Variants in WWOX observed in about 807,000 individuals in gnomAD.
WWOX encodes WW domain containing oxidoreductase, also known as WW domain-containing oxidoreductase.
A neutral mutation model predicts 46.2 loss-of-function variants in WWOX; 69 were observed. The ratio of observed to expected loss-of-function variants is 1.49; its 90% CI spans 1.23 to 1.82. WWOX has a LOEUF of 1.82. Among genes scored for constraint, WWOX ranks in the 40% most tolerant of loss-of-function variants. The pLI is 0.00. For synonymous variants in WWOX, 359 were observed against 202.6 expected (o/e 1.77, Z -6.56); for missense variants, 919 against 542.6 (o/e 1.69, Z -6.89).
intron 8 of WWOX, among the ~76,000 whole-genome samples, chr16:78,546,861 T>G (rs1334361642): frequency 6.6e-6 from 1 of 152,136 alleles, no homozygotes; most frequent in Non-Finnish European, 1.5e-5. Context: ...GCCCGGTGGC[T>G]CATGCCCGTA....
chr16:78,797,866 T>C (rs962072387), intron 8 of WWOX, among the ~76,000 whole-genome samples: 1 of 152,214 alleles, frequency 6.6e-6, no homozygotes, highest in Non-Finnish European at 1.5e-5. Flanking sequence ...CGCGTGCCTG[T>C]AGTCCTAGCT....
chr16:78,221,176 A>C (rs1354914149), intron 5 of WWOX, among the ~76,000 whole-genome samples: 3 of 152,182 alleles, frequency 2.0e-5, no homozygotes, highest in Non-Finnish European at 4.4e-5. Flanking sequence ...AAAGAAAATA[A>C]ATCTCTAATG....
chr16:78,137,948 A>G lies in WWOX; in HGVS notation c.409+22794A>G, dbSNP rs577106426. 3.3e-5 allele frequency among the ~76,000 whole-genome samples: 5 copies of G among 150,884 alleles called. 1 individual carries two copies. In the East Asian group the frequency reaches 9.6e-4, roughly 29 times the overall value. ...GTGTGGATATCACAAACAGCACAAG[A>G]GGAAGTGAAAGGAACAGAGTGGGTG... On this transcript the variant is annotated intron_variant, in intron 4 of 8. Coordinates refer to ENST00000566780, the MANE Select transcript of WWOX (RefSeq NM_016373.4).
chr16:79,188,790 T>TG (rs1313038710), intron 8 of WWOX, among the ~76,000 whole-genome samples: 22 of 152,172 alleles, frequency 1.4e-4, no homozygotes, highest in African/African-American at 3.9e-4. Context: ...CAGACAACGG[T>TG]GGGGTTCAGT....
chr16:79,205,156 A>G (rs900184624), intron 8 of WWOX: 1 of 151,950 alleles, frequency 6.6e-6, no homozygotes, highest in Non-Finnish European at 1.5e-5. Context: ...GCTGCATGGC[A>G]CTCTTCCCCC....
chr16:78,734,774 G>A (rs1344896492), intron 8 of WWOX, among the ~76,000 whole-genome samples: 1 of 141,854 alleles, frequency 7.0e-6, no homozygotes, highest in Non-Finnish European at 1.5e-5. Context: ...TCTGAATAGA[G>A]CAAATAGACT....
At chr16:78,744,258 C>T (rs1211418264) in intron 8 of WWOX, among the ~76,000 whole-genome samples, 3 of 152,016 alleles carry the variant, frequency 2.0e-5, no homozygotes, top group African/African-American at 4.8e-5. Flanking sequence ...AAGCTGAAGG[C>T]ACAGGACTTT....
At chr16:78,869,997 A>T (rs749314970) in intron 8 of WWOX, among the ~76,000 whole-genome samples, 1 of 152,196 alleles carries the variant, frequency 6.6e-6, no homozygotes, top group Non-Finnish European at 1.5e-5. Flanking sequence ...ACACAGATCA[A>T]AGTCTCTCCA....
At chr16:78,952,114 G>A (rs1039466835) in intron 8 of WWOX, among the ~76,000 whole-genome samples, 1 of 151,962 alleles carries the variant, frequency 6.6e-6, no homozygotes, top group Non-Finnish European at 1.5e-5. Context: ...TACCTTCCCT[G>A]TCTCATTTCT....
chr16:78,798,063 C>A (rs1199297007), intron 8 of WWOX, among the ~76,000 whole-genome samples: 1 of 152,170 alleles, frequency 6.6e-6, no homozygotes, highest in Non-Finnish European at 1.5e-5. Flanking sequence ...CAGTCTTCTC[C>A]TTTTGTTTCT....
intron 8 of WWOX, among the ~76,000 whole-genome samples, chr16:78,529,449 C>A (rs566439138): frequency 1.3e-5 from 2 of 151,692 alleles, no homozygotes; most frequent in Admixed American, 1.3e-4. Context: ...CTTTCTGGAC[C>A]TCTTCTCAGA....
chr16:79,018,036 A>G (rs1220980060), intron 8 of WWOX, among the ~76,000 whole-genome samples: 1 of 152,266 alleles, frequency 6.6e-6, no homozygotes, highest in African/African-American at 2.4e-5. Flanking sequence ...GTTTCCTGGT[A>G]GTCAAGGCAA....
intron 8 of WWOX, among the ~76,000 whole-genome samples, chr16:78,592,701 G>A (rs145219042): frequency 6.6e-6 from 1 of 152,284 alleles, no homozygotes; most frequent in East Asian, 1.9e-4. Context: ...CTGCTAACAA[G>A]GACCCAAACA....
chr16:78,947,470 C>A (rs1299715125), intron 8 of WWOX, among the ~76,000 whole-genome samples: 1 of 152,180 alleles, frequency 6.6e-6, no homozygotes, highest in African/African-American at 2.4e-5. Flanking sequence ...ACGCTCTCTT[C>A]TTCTTGCAGG....
chr16:78,557,726 C>A (rs2044339184), intron 8 of WWOX, among the ~76,000 whole-genome samples: 1 of 107,156 alleles, frequency 9.3e-6, no homozygotes, highest in Non-Finnish European at 1.7e-5. Context: ...ACAGGAGTCT[C>A]ACTCTGTTGT....
intron 7 of WWOX, among the ~76,000 whole-genome samples, chr16:78,431,193 A>T (rs969238022): frequency 7.2e-5 from 11 of 152,202 alleles, no homozygotes; most frequent in African/African-American, 2.7e-4. Flanking sequence ...ACTCCGTCAG[A>T]CCCAATTATA....
At chr16:78,999,145 C>CT (rs761357136) in intron 8 of WWOX, among the ~76,000 whole-genome samples, 1,454 of 141,324 alleles carry the variant, frequency 0.01, 8 homozygotes, top group Middle Eastern at 0.014. Flanking sequence ...GATGCTTCTT[C>CT]TTTTTTTTTT....
At chr16:78,213,553 A>T (rs902450249) in intron 5 of WWOX, among the ~76,000 whole-genome samples, 2 of 151,964 alleles carry the variant, frequency 1.3e-5, no homozygotes, top group Non-Finnish European at 2.9e-5. Context: ...TCTATTTTTA[A>T]TGTGACTGAG....
chr16:79,111,431 C>G (rs538767443), intron 8 of WWOX, among the ~76,000 whole-genome samples: 1 of 152,242 alleles, frequency 6.6e-6, no homozygotes, highest in South Asian at 2.1e-4. Context: ...TTTGGAGACA[C>G]TGTTTTCTGT....
Sources: gnomAD v4.1 joint callset for allele counts (sites outside exome capture counted in the v4.1 genomes callset) on GRCh38, gnomAD v4.1.1 for gene constraint, MANE v1.5 for transcripts, NCBI Gene and HGNC (gene_info 2026-07-23, HGNC 2026-07-21) for gene names.